The following ZNF566 variants were observed in gnomAD, a reference collection of about 807,000 sequenced individuals.
The protein encoded by ZNF566 is zinc finger protein 566.
Under a neutral mutation model 32.8 loss-of-function variants are expected in ZNF566, and 27 were observed. The observed-to-expected ratio is 0.82, with a 90% CI of 0.61 to 1.14. The LOEUF is 1.14. Among genes scored for constraint, ZNF566 ranks in the 50% most tolerant of loss-of-function variants. The pLI is 0.00. For missense variants in ZNF566, 402 were observed against 490.4 expected (o/e 0.82, Z 1.70); for synonymous variants, 154 against 159.5 (o/e 0.97, Z 0.26).
rs757199256 is a variant in ZNF566 at position 36,473,417 on chromosome 19, C to G, written c.51G>C (p.Gln17His). Residue 17 changes from glutamine (Q) to histidine (H), a missense_variant, in exon 3 of 5, where the codon CAG becomes CAC. Around this residue, in one of 3 missense-constraint regions of ZNF566, gnomAD observed 220 missense variants for 241.9 expected, o/e 0.91. Transcript: ENST00000452939. ...MFSDVSVDFS[Q>H]EEWECLNDDQ... is the part of the protein sequence containing the mutation. ...CATCATTCAGGCATTCCCACTCCTC[C>G]TGAGAGAAGTCTACGGACACATCAC... 2 of 1,613,234 alleles carry G rather than the reference C, an allele frequency of 1.2e-6. No individual in the cohort carries two copies. The highest frequency in any genetic ancestry group is 4.5e-5 in the East Asian group (2 of 44,856).
chr19:36,458,033 C>T (rs954981855), intron 4 of ZNF566, among the ~76,000 whole-genome samples: 9 of 152,102 alleles, frequency 5.9e-5, no homozygotes, highest in Non-Finnish European at 8.8e-5. Context: ...TTGAAACAGC[C>T]ATTATGGAAA....
At chr19:36,469,420 A>G (rs980841191) in intron 4 of ZNF566, among the ~76,000 whole-genome samples, 6 of 152,076 alleles carry the variant, frequency 3.9e-5, no homozygotes, top group Non-Finnish European at 8.8e-5. Flanking sequence ...GGTGCCTGTA[A>G]TCCCACCTAC....
chr19:36,476,779 G>A (rs551399338), intron 1 of ZNF566, among the ~76,000 whole-genome samples, 163 bp from the exon 2 acceptor site: 1 of 152,304 alleles, frequency 6.6e-6, no homozygotes, highest in African/African-American at 2.4e-5. Flanking sequence ...ATACCAGGCT[G>A]TAACTGGAGC....
chr19:36,454,564 C>G (rs1424193314), intron 4 of ZNF566, among the ~76,000 whole-genome samples: 1 of 151,944 alleles, frequency 6.6e-6, no homozygotes, highest in Non-Finnish European at 1.5e-5. Flanking sequence ...AAAACAACAA[C>G]AACAACACAA....
At position 36,446,274 on chromosome 19, in the gene ZNF566, T is replaced by C. The variant is rs558923396; in HGVS notation, c.*2703A>G. The C allele has an allele frequency of 0.013, 1,895 of 150,498 alleles. 35 individuals are homozygous for C. Among genetic ancestry groups the C allele is most frequent in the African/African-American group, 0.039 (1,600 of 41,188 alleles). 9.3% of individuals were successfully genotyped at this position (150,498 alleles called of 1,614,324 possible). Reference sequence around the variant, plus strand: ...AAGATAATCATTTTTTCTTTCTTTTTTTTTTTTTTTTTTGAGACAGATTTT... The same window carrying C: ...AAGATAATCATTTTTTCTTTCTTTTCTTTTTTTTTTTTTGAGACAGATTTT... On this transcript the variant is annotated 3_prime_UTR_variant, in exon 5 of 5. Coordinates refer to ENST00000452939, the MANE Select transcript of ZNF566 (RefSeq NM_001145344.1).
At chr19:36,474,676 T>C (rs1056243741) in intron 2 of ZNF566, among the ~76,000 whole-genome samples, 3 of 152,194 alleles carry the variant, frequency 2.0e-5, no homozygotes, top group Non-Finnish European at 4.4e-5. Context: ...AAAACCAGAA[T>C]TGAACTATTT....
At chr19:36,451,565 G>C (rs192899523) in intron 4 of ZNF566, among the ~76,000 whole-genome samples, 1 of 152,108 alleles carries the variant, frequency 6.6e-6, no homozygotes, top group Non-Finnish European at 1.5e-5. Flanking sequence ...AGTTACATGC[G>C]TTTTATACTC....
At chr19:36,455,857 G>T (rs2967536) in intron 4 of ZNF566, among the ~76,000 whole-genome samples, 1 of 151,864 alleles carries the variant, frequency 6.6e-6, no homozygotes, top group Non-Finnish European at 1.5e-5. Context: ...TGGCTAACAC[G>T]GTGAAACCTC....
At chr19:36,461,926 T>G (rs986360384) in intron 4 of ZNF566, among the ~76,000 whole-genome samples, 3 of 151,776 alleles carry the variant, frequency 2.0e-5, no homozygotes, top group Non-Finnish European at 4.4e-5. Context: ...TAGGGACAGA[T>G]CCACATATAT....
intron 1 of ZNF566, among the ~76,000 whole-genome samples, chr19:36,486,437 C>A (rs1205215731): frequency 6.6e-6 from 1 of 151,952 alleles, no homozygotes; most frequent in Non-Finnish European, 1.5e-5. Context: ...TTTGGGAGGA[C>A]AAGGCAGTTG....
rs891925341 is a variant in ZNF566, at chr19:36,447,939, C to T, written c.*1038G>A. 28 of 152,126 alleles carry T rather than the reference C, an allele frequency of 1.8e-4. No individual in the cohort carries two copies. The highest frequency in any genetic ancestry group is 6.3e-4 in the African/African-American group (26 of 41,446). 9.4% of individuals were successfully genotyped at this position (152,126 alleles called of 1,614,324 possible). ...ATACTGATGATGATGAATATAATAA[C>T]GATGACTAACATTCAGTGAGTATGT... On this transcript the variant is annotated 3_prime_UTR_variant, in exon 5 of 5. Transcript: ENST00000452939.
chr19:36,472,818 C>T (rs2033798361), intron 4 of ZNF566, 93 bp downstream of exon 4: 1 of 1,023,242 alleles, frequency 9.8e-7, no homozygotes. Context: ...CACAACAGGC[C>T]AAAAGCCTGT....
At chr19:36,482,609 C>T (rs112961095) in intron 1 of ZNF566, among the ~76,000 whole-genome samples, 73 of 152,062 alleles carry the variant, frequency 4.8e-4, no homozygotes, top group African/African-American at 1.7e-3. Flanking sequence ...AGAAAAAGAG[C>T]TACACAGAGA....
intron 1 of ZNF566, among the ~76,000 whole-genome samples, chr19:36,485,717 G>A (rs554136085): frequency 1.7e-4 from 26 of 151,156 alleles, no homozygotes; most frequent in Admixed American, 5.9e-4. Flanking sequence ...AGCTGAGATC[G>A]CACCATTGCA....
chr19:36,475,687 A>T (rs1458023688), intron 2 of ZNF566, among the ~76,000 whole-genome samples: 1 of 152,158 alleles, frequency 6.6e-6, no homozygotes, highest in Admixed American at 6.6e-5. Context: ...GTAAACCAGC[A>T]TGTAAACATT....
intron 4 of ZNF566, among the ~76,000 whole-genome samples, chr19:36,451,993 C>T (rs560534772): frequency 2.6e-5 from 4 of 151,142 alleles, no homozygotes; most frequent in Admixed American, 6.6e-5. Context: ...GGGAACAGAG[C>T]GAGACTCCAT....
intron 1 of ZNF566, among the ~76,000 whole-genome samples, chr19:36,484,587 C>CT (rs34052223): frequency 0.52 from 57,631 of 111,826 alleles, 16,458 homozygotes; most frequent in Non-Finnish European, 0.56. Flanking sequence ...GGCATAGTTT[C>CT]TTTTTTTTTT....
Position 36,448,870 on chromosome 19 carries a change from A to C in ZNF566, c.*107T>G. On this transcript the variant is annotated 3_prime_UTR_variant, in exon 5 of 5. Transcript: ENST00000452939. ...CAGGCTGAATAAGCTGTAGTCCACA[A>C]ATAAAATGTTTCTACATTATTCTAT... 1 of 966,224 alleles carries C rather than the reference A, an allele frequency of 1.0e-6. No homozygotes were observed. Among genetic ancestry groups the C allele is most frequent in the South Asian group, 2.0e-5 (1 of 49,170 alleles). The allele number at this position is 966,224 out of a possible 1,614,324, so 59.9% of individuals were successfully genotyped here.
At position 36,445,357 on chromosome 19, in the gene ZNF566, C is replaced by T. The variant is rs2032967935; in HGVS notation, c.*3620G>A. On this transcript the variant is annotated 3_prime_UTR_variant, in exon 5 of 5. Coordinates refer to ENST00000452939, the MANE Select transcript of ZNF566 (RefSeq NM_001145344.1). ...GTTTTATTCCTGGATAGAAACAAGT[C>T]TGACATCCTGCATTAGATCGTATAA... 6.6e-6 allele frequency: 1 copy of T among 152,138 alleles called. No individual in the cohort carries two copies. The highest frequency in any genetic ancestry group is 2.1e-4 in the South Asian group (1 of 4,828). The allele number at this position is 152,138 out of a possible 1,614,324, so 9.4% of individuals were successfully genotyped here.
Sources: allele counts gnomAD v4.1 joint callset (sites outside exome capture counted in the v4.1 genomes callset), GRCh38; gene constraint gnomAD v4.1.1; regional missense constraint gnomAD v4.1.1; transcripts MANE v1.5; gene names NCBI Gene and HGNC (gene_info 2026-07-23, HGNC 2026-07-21).